The following DGLUCY variants were observed in gnomAD, a reference collection of about 807,000 sequenced individuals.
DGLUCY encodes the protein D-glutamate cyclase, mitochondrial.
Under a neutral mutation model 58.5 loss-of-function variants are expected in DGLUCY, and 58 were observed. The ratio of observed to expected loss-of-function variants is 0.99; its 90% CI spans 0.80 to 1.23. DGLUCY has a LOEUF of 1.23. Ranked by LOEUF, DGLUCY falls within the 50% of genes most tolerant of loss-of-function variation. The pLI, the probability that DGLUCY is intolerant of heterozygous loss-of-function variation, is 0.00. For synonymous variants in DGLUCY, 325 were observed against 314.1 expected (o/e 1.03, Z -0.37); for missense variants, 779 against 784.7 (o/e 0.99, Z 0.09).
At chr14:91,101,597 A>G (rs189811160) in intron 1 of DGLUCY, among the ~76,000 whole-genome samples, 108 of 152,320 alleles carry the variant, frequency 7.1e-4, no homozygotes, top group African/African-American at 2.2e-3. Flanking sequence ...GGATGTTCCA[A>G]ATGCCACACA....
intron 10 of DGLUCY, among the ~76,000 whole-genome samples, chr14:91,196,969 T>G (rs72699630): frequency 0.13 from 19,433 of 152,088 alleles, 1,463 homozygotes; most frequent in African/African-American, 0.2. Flanking sequence ...TCAAACTTTT[T>G]TTCTTTTAGG....
intron 4 of DGLUCY, among the ~76,000 whole-genome samples, chr14:91,168,544 C>T (rs1256163778): frequency 6.6e-6 from 1 of 152,182 alleles, no homozygotes; most frequent in Non-Finnish European, 1.5e-5. Flanking sequence ...AACTTGGAAA[C>T]TCCTGGAGCC....
intron 1 of DGLUCY, among the ~76,000 whole-genome samples, chr14:91,092,696 G>C (rs903484727): frequency 3.9e-5 from 6 of 152,218 alleles, no homozygotes; most frequent in Non-Finnish European, 8.8e-5. Context: ...CATGGCCCCA[G>C]ATTGGGAACC....
chr14:91,167,658 C>T (rs1012271910), intron 4 of DGLUCY: 14 of 704,402 alleles, frequency 2.0e-5, no homozygotes, highest in Admixed American at 1.6e-4. Flanking sequence ...TCCACTCCAT[C>T]GCCCAAGCCA....
intron 1 of DGLUCY, among the ~76,000 whole-genome samples, chr14:91,100,536 CTGAT>C (rs2044467818): frequency 6.6e-6 from 1 of 152,218 alleles, no homozygotes; most frequent in South Asian, 2.1e-4. Flanking sequence ...GTACCATACT[CTGAT>C]TCCATTTTAC....
intron 12 of DGLUCY, among the ~76,000 whole-genome samples, chr14:91,213,527 A>G (rs1886037823): frequency 1.3e-5 from 2 of 152,204 alleles, no homozygotes; most frequent in African/African-American, 4.8e-5. Context: ...ACTGTAAGAT[A>G]CTATTAATTA....
At chr14:91,166,288 A>T (rs763306158) in intron 3 of DGLUCY, among the ~76,000 whole-genome samples, 3 of 152,194 alleles carry the variant, frequency 2.0e-5, no homozygotes, top group Non-Finnish European at 2.9e-5. Flanking sequence ...CTCTGCAATT[A>T]GCAGGTAGCA....
chr14:91,214,306 C>G (rs973010557), intron 12 of DGLUCY, among the ~76,000 whole-genome samples: 1 of 152,148 alleles, frequency 6.6e-6, no homozygotes, highest in African/African-American at 2.4e-5. Flanking sequence ...GCTTACCAGG[C>G]CCTTCATCAA....
In DGLUCY at chr14:91,199,910, G is replaced by C. The variant is rs199758139; in HGVS notation, c.1444+5G>C. 3.7e-6 allele frequency: 6 copies of C among 1,614,118 alleles called. No individual in the cohort carries two copies. Among genetic ancestry groups the C allele is most frequent in the Non-Finnish European group, 5.1e-6 (6 of 1,179,974 alleles). On this transcript the variant is annotated splice_donor_5th_base_variant and intron_variant, in intron 11 of 13. Coordinates refer to ENST00000256324, the MANE Select transcript of DGLUCY (RefSeq NM_001102368.3). ...TTCCTGGAATCTCATCAACTGGTAA[G>C]TATGGAGTACTGGGGATGCACCAAG...
At chr14:91,200,558 T>G (rs988283868) in intron 11 of DGLUCY, among the ~76,000 whole-genome samples, 2 of 152,306 alleles carry the variant, frequency 1.3e-5, no homozygotes, top group African/African-American at 4.8e-5. Flanking sequence ...AATTTAAAAA[T>G]TATCTAATAT....
chr14:91,209,364 C>G (rs189194725), intron 12 of DGLUCY, among the ~76,000 whole-genome samples: 166 of 152,126 alleles, frequency 1.1e-3, no homozygotes, highest in African/African-American at 3.9e-3. Context: ...AGCTATTAAT[C>G]CAACTATATC....
chr14:91,208,625 T>C (rs1885157147), intron 12 of DGLUCY, among the ~76,000 whole-genome samples: 2 of 152,126 alleles, frequency 1.3e-5, no homozygotes. Context: ...GGTGGACGCC[T>C]ATAGTCCTAG....
chr14:91,136,060 G>A (rs1407713801), intron 1 of DGLUCY, among the ~76,000 whole-genome samples: 6 of 146,778 alleles, frequency 4.1e-5, no homozygotes, highest in South Asian at 2.2e-4. Flanking sequence ...TCAGCCTCCC[G>A]AGTAGCTGGG....
rs921807375 is a variant in DGLUCY at position 91,204,836 on chromosome 14, G to A, written c.1564+11G>A. On this transcript the variant is annotated intron_variant, in intron 12 of 13. Coordinates refer to ENST00000256324, the MANE Select transcript of DGLUCY (RefSeq NM_001102368.3). Reference sequence around the variant, plus strand: ...TTGCCGTCATTGCTGGTGAGCACTCGGATGGCCGCCCAGTCCGGCCGGCTA... The same window carrying A: ...TTGCCGTCATTGCTGGTGAGCACTCAGATGGCCGCCCAGTCCGGCCGGCTA... The A allele has an allele frequency of 1.7e-5, 27 of 1,613,760 alleles. No homozygotes were observed. The highest frequency in any genetic ancestry group is 5.0e-5 in the Admixed American group (3 of 59,992).
intron 8 of DGLUCY, among the ~76,000 whole-genome samples, chr14:91,184,784 A>G (rs1162115764): frequency 1.3e-5 from 2 of 152,108 alleles, no homozygotes; most frequent in African/African-American, 4.8e-5. Flanking sequence ...CACTGGACAT[A>G]GCTCTTTGCC....
intron 3 of DGLUCY, among the ~76,000 whole-genome samples, chr14:91,166,535 C>T (rs1268647603): frequency 6.6e-6 from 1 of 152,080 alleles, no homozygotes; most frequent in Non-Finnish European, 1.5e-5. Flanking sequence ...CACAGTGATG[C>T]ACACCTATAG....
At chr14:91,194,381 C>T (rs137929427) in intron 9 of DGLUCY, among the ~76,000 whole-genome samples, 1 of 152,178 alleles carries the variant, frequency 6.6e-6, no homozygotes, top group African/African-American at 2.4e-5. Flanking sequence ...GGGTCATTCC[C>T]CTTTGTTGTG....
chr14:91,165,275 T>C (rs1223294998), intron 3 of DGLUCY: 18 of 456,178 alleles, frequency 3.9e-5, no homozygotes, highest in Non-Finnish European at 7.0e-5. Flanking sequence ...CTTTAGTCCC[T>C]GCTTCCTGAA....
intron 8 of DGLUCY, among the ~76,000 whole-genome samples, chr14:91,184,041 C>T (rs1265551065): frequency 2.0e-5 from 3 of 151,378 alleles, no homozygotes; most frequent in Middle Eastern, 3.2e-3. Context: ...GTCAGGTGGG[C>T]CAGTGGGAAG....
Sources: allele counts gnomAD v4.1 joint callset (sites outside exome capture counted in the v4.1 genomes callset), GRCh38; gene constraint gnomAD v4.1.1; transcripts MANE v1.5; gene names NCBI Gene and HGNC (gene_info 2026-07-23, HGNC 2026-07-21).